WTIP: variants seen among roughly 807,000 people sequenced by gnomAD.
The protein encoded by WTIP is WT1 interacting protein.
In WTIP, 23 loss-of-function variants were observed where a neutral mutation model predicts 41.7. That is an observed-to-expected ratio of 0.55 (90% CI 0.40 to 0.78). WTIP has a LOEUF of 0.78. Ranked by LOEUF, WTIP falls within the 30% of genes least tolerant of loss-of-function variation. The pLI is 0.00. For missense variants in WTIP, 619 were observed against 610.5 expected (o/e 1.01, Z -0.15); for synonymous variants, 314 against 269.9 (o/e 1.16, Z -1.60).
At position 34,500,377 on chromosome 19, in the gene WTIP, C is replaced by G. The variant is rs1161838310; in HGVS notation, c.*108C>G. The G allele has an allele frequency of 1.5e-6, 2 of 1,373,764 alleles. No homozygotes were observed. Among genetic ancestry groups the G allele is most frequent in the Non-Finnish European group, 1.9e-6 (2 of 1,045,576 alleles). The allele number at this position is 1,373,764 out of a possible 1,614,324, so 85.1% of individuals were successfully genotyped here. ...GGAGCTCCCTCCAATCAGTTTCCCA[C>G]CGAGCTGCTGTCTGCAGGGGCCGGA... is the stretch of plus-strand genomic sequence containing the variant. On this transcript the variant is annotated 3_prime_UTR_variant, in exon 8 of 8. Coordinates refer to ENST00000590071, the MANE Select transcript of WTIP (RefSeq NM_001080436.2).
chr19:34,489,196 C>T (rs1443683508), intron 1 of WTIP, among the ~76,000 whole-genome samples: 65 of 4,620 alleles, frequency 0.014, 1 homozygote, highest in Non-Finnish European at 0.033. Flanking sequence ...GAGACTCTAT[C>T]TAAAAAAAAA....
In WTIP at chr19:34,493,570, C is replaced by T. The variant is rs1445107371; in HGVS notation, c.979C>T (p.Pro327Ser). The T allele has an allele frequency of 6.2e-7, 1 of 1,613,698 alleles. No individual in the cohort carries two copies. The highest frequency in any genetic ancestry group is 1.3e-5 in the African/African-American group (1 of 75,060). The change falls in exon 5 of 8, where the codon CCC becomes TCC. Residue 327 changes from proline to serine, a missense_variant. Coordinates refer to ENST00000590071, the MANE Select transcript of WTIP (RefSeq NM_001080436.2). The surrounding 1 kb of genome is among the most constrained non-coding windows in gnomAD (Gnocchi z 4.1). ...SVCNECLDGV[P>S]FTVDVENNIY... Reference sequence around the variant, plus strand: ...GTGCAATGAGTGCCTGGACGGGGTTCCCTTCACCGTGGACGTGGAGAACAA... The same window carrying T: ...GTGCAATGAGTGCCTGGACGGGGTTTCCTTCACCGTGGACGTGGAGAACAA...
chr19:34,501,959 CTTTT>C lies in WTIP; in HGVS notation c.*1700_*1703del, dbSNP rs562675000. 13 of 115,678 alleles carry C rather than the reference CTTTT, an allele frequency of 1.1e-4. No individual in the cohort carries two copies. The South Asian group carries it at 2.5e-3, about 22-fold the overall frequency. 7.2% of individuals were successfully genotyped at this position (115,678 alleles called of 1,614,324 possible). On this transcript the variant is annotated 3_prime_UTR_variant, in exon 8 of 8. Coordinates refer to ENST00000590071, the MANE Select transcript of WTIP (RefSeq NM_001080436.2). ...GCTGAGCTGCTTTTTCTTTTCTTTTCTTTTTTTTTTTTTGAGACGGAGTGTCATT... is the reference window on the plus strand; with the variant it reads ...GCTGAGCTGCTTTTTCTTTTCTTTTCTTTTTTTTTGAGACGGAGTGTCATT...
chr19:34,482,660 G>A lies in WTIP; in HGVS notation c.667+19G>A. 1.6e-6 allele frequency: 2 copies of A among 1,226,394 alleles called. No homozygotes were observed. Among genetic ancestry groups the A allele is most frequent in the Non-Finnish European group, 2.0e-6 (2 of 984,586 alleles). The allele number at this position is 1,226,394 out of a possible 1,614,324, so 76.0% of individuals were successfully genotyped here. A position where few individuals can be genotyped will look rare whatever the true frequency, so the allele number is the denominator to read the frequency against. On this transcript the variant is annotated intron_variant, in intron 1 of 7. Transcript: ENST00000590071. ...TACTTCGGTGAGCTCGCTCGGCCCG[G>A]CAGTTCCCTGCGCGCATGGCTGGGG...
chr19:34,497,648 C>T (rs1049649797), intron 7 of WTIP, among the ~76,000 whole-genome samples: 2 of 152,158 alleles, frequency 1.3e-5, no homozygotes, highest in African/African-American at 4.8e-5. Context: ...GCGACCGCGC[C>T]CCAGCAAGAG....
chr19:34,481,847 C>A lies in WTIP; in HGVS notation c.-128C>A. ...GAACGACCCCGGCCCGGCGCCGGCC[C>A]CGCCCCGCCCCGCGCCCAGGGGTCC... On this transcript the variant is annotated 5_prime_UTR_variant, in exon 1 of 8. Transcript: ENST00000590071. The A allele has an allele frequency of 2.3e-6, 1 of 425,758 alleles. No homozygotes were observed. The highest frequency in any genetic ancestry group is 3.1e-6 in the Non-Finnish European group (1 of 320,600). The allele number at this position is 425,758 out of a possible 1,614,324, so 26.4% of individuals were successfully genotyped here.
Position 34,493,575 on chromosome 19 carries a change from C to T in WTIP, c.984C>T (p.Phe328=), listed in dbSNP as rs768788349. The change falls in exon 5 of 8, where the codon TTC becomes TTT. Residue 328 remains phenylalanine, a synonymous_variant. Transcript: ENST00000590071. The surrounding 1 kb of genome is among the most constrained non-coding windows in gnomAD (Gnocchi z 4.1). Reference sequence around the variant, plus strand: ...ATGAGTGCCTGGACGGGGTTCCCTTCACCGTGGACGTGGAGAACAACATCT... The same window carrying T: ...ATGAGTGCCTGGACGGGGTTCCCTTTACCGTGGACGTGGAGAACAACATCT... ...VCNECLDGVP[F]TVDVENNIYC... is the part of the protein sequence containing the mutation. 6.2e-7 allele frequency: 1 copy of T among 1,613,722 alleles called. No individual in the cohort carries two copies. Among genetic ancestry groups the T allele is most frequent in the South Asian group, 1.1e-5 (1 of 91,088 alleles).
rs767754825 is a variant in WTIP at position 34,500,123 on chromosome 19, C to T, written c.1153-6C>T. 2.5e-6 allele frequency: 4 copies of T among 1,598,896 alleles called. No individual in the cohort carries two copies. Among genetic ancestry groups the T allele is most frequent in the African/African-American group, 1.3e-5 (1 of 74,866 alleles). On this transcript the variant is annotated splice_polypyrimidine_tract_variant and splice_region_variant and intron_variant, in intron 7 of 7. Coordinates refer to ENST00000590071, the MANE Select transcript of WTIP (RefSeq NM_001080436.2). The stretch of plus-strand genomic sequence containing the variant: ...CTCTGGGGCTGGGGGCTGTGTTCTT[C>T]CCTAGGACTGCGGGCTGCAGCTGAG...
intron 1 of WTIP, among the ~76,000 whole-genome samples, chr19:34,486,839 C>T (rs937452030): frequency 1.1e-4 from 17 of 152,132 alleles, no homozygotes; most frequent in Non-Finnish European, 1.8e-4. Context: ...ACTCTCCTGC[C>T]GTCTGAGAGG....
chr19:34,495,639 A>G, intron 6 of WTIP, 64 bp from the exon 7 acceptor site: 1 of 1,569,752 alleles, frequency 6.4e-7, no homozygotes, highest in African/African-American at 1.3e-5. Context: ...GGGAGTGTAC[A>G]CTCACGCAGT....
In WTIP at chr19:34,493,030, C is replaced by T. The variant is rs781326562; in HGVS notation, c.770-7C>T. On this transcript the variant is annotated splice_polypyrimidine_tract_variant and splice_region_variant and intron_variant, in intron 2 of 7. Transcript: ENST00000590071. This position sits in a 1 kb window ranked among gnomAD's most constrained non-coding sequence, Gnocchi z 4.1. Reference sequence around the variant, plus strand: ...CCAGGGACCCCTCTCAACCCTCACCCTTGCAGGGAGACGACTCCGTGGGAA... The same window carrying T: ...CCAGGGACCCCTCTCAACCCTCACCTTTGCAGGGAGACGACTCCGTGGGAA... 28 of 1,613,932 alleles carry T rather than the reference C, an allele frequency of 1.7e-5. No individual in the cohort carries two copies. The highest frequency in any genetic ancestry group is 2.4e-5 in the Non-Finnish European group (28 of 1,179,870).
rs535941216 is a variant in WTIP, at chr19:34,493,957, C to T, written c.1031+335C>T. ...CAGGCCAGGCCTCTTTCAGCTGGGG[C>T]AGGGGCTTGGGATCTCTGCAGCCCC... On this transcript the variant is annotated intron_variant, in intron 5 of 7. Coordinates refer to ENST00000590071, the MANE Select transcript of WTIP (RefSeq NM_001080436.2). This position sits in a 1 kb window ranked among gnomAD's most constrained non-coding sequence, Gnocchi z 4.1. Among the ~76,000 whole-genome samples the T allele has an allele frequency of 2.4e-4, 36 of 152,304 alleles. No individual in the cohort carries two copies. Among genetic ancestry groups the T allele is most frequent in the African/African-American group, 7.9e-4 (33 of 41,576 alleles).
Position 34,481,903 on chromosome 19 carries a change from TGCGGCGGCCCGGCCGGA to T in WTIP, c.-63_-47del, listed in dbSNP as rs2075768189. On this transcript the variant is annotated 5_prime_UTR_variant, in exon 1 of 8. The change abolishes the stop of an existing upstream ORF in the 5' untranslated region. Coordinates refer to ENST00000590071, the MANE Select transcript of WTIP (RefSeq NM_001080436.2). ...CGGGCTCCGGGCTTCGGGCGGACGA[TGCGGCGGCCCGGCCGGA>T]GCGGCGGCGGGAAGCGGAGGCGGAG... 5 of 916,554 alleles carry T rather than the reference TGCGGCGGCCCGGCCGGA, an allele frequency of 5.5e-6. No homozygotes were observed. The highest frequency in any genetic ancestry group is 4.9e-5 in the South Asian group (1 of 20,552). The allele number at this position is 916,554 out of a possible 1,614,324, so 56.8% of individuals were successfully genotyped here. A position where few individuals can be genotyped will look rare whatever the true frequency, so the allele number is the denominator to read the frequency against.
rs1380405882 is a variant in WTIP, at chr19:34,511,540, A to C, written c.*11271A>C. 1 of 152,202 alleles carries C rather than the reference A, an allele frequency of 6.6e-6. No individual in the cohort carries two copies. Among genetic ancestry groups the C allele is most frequent in the African/African-American group, 2.4e-5 (1 of 41,440 alleles). The allele number at this position is 152,202 out of a possible 1,614,324, so 9.4% of individuals were successfully genotyped here. On this transcript the variant is annotated 3_prime_UTR_variant, in exon 8 of 8. Coordinates refer to ENST00000590071, the MANE Select transcript of WTIP (RefSeq NM_001080436.2). ...GGCTTTCATTATTTACCAAGGATCAAGACCTGAACATGAAAATGGCAGGCC... is the reference window on the plus strand; with the variant it reads ...GGCTTTCATTATTTACCAAGGATCACGACCTGAACATGAAAATGGCAGGCC...
rs1308745121 is a variant in WTIP at position 34,495,776 on chromosome 19, G to A, written c.1152+5G>A. 1.2e-6 allele frequency: 2 copies of A among 1,613,552 alleles called. No individual in the cohort carries two copies. Among genetic ancestry groups the A allele is most frequent in the East Asian group, 4.5e-5 (2 of 44,876 alleles). On this transcript the variant is annotated splice_donor_5th_base_variant and intron_variant, in intron 7 of 7. Coordinates refer to ENST00000590071, the MANE Select transcript of WTIP (RefSeq NM_001080436.2). ...GTGGCATGTTACCACTGTGAGGTGA[G>A]CCTGGGCCCACAGGAGGCTGGCAGC...
intron 6 of WTIP, among the ~76,000 whole-genome samples, chr19:34,495,066 A>G (rs1156394341): frequency 6.6e-6 from 1 of 152,154 alleles, no homozygotes; most frequent in African/African-American, 2.4e-5. Context: ...TGTGCCTGGC[A>G]AAGCAGAACT....
chr19:34,497,464 C>A (rs2075861051), intron 7 of WTIP, among the ~76,000 whole-genome samples: 2 of 152,276 alleles, frequency 1.3e-5, no homozygotes, highest in African/African-American at 4.8e-5. Flanking sequence ...CCATGATGGA[C>A]ACAGGGACGG....
At chr19:34,494,751 T>TCC in intron 6 of WTIP, 114 bp downstream of exon 6, 3 of 1,031,394 alleles carry the variant, frequency 2.9e-6, no homozygotes, top group Non-Finnish European at 4.3e-6. Flanking sequence ...AGCAGGTGCT[T>TCC]CTCCGCAGAT....
At position 34,502,442 on chromosome 19, in the gene WTIP, A is replaced by T. The variant is rs1335971617; in HGVS notation, c.*2173A>T. ...AGCTATTTTTTTTTTTTTTTTTTTT[A>T]AAGACAGAGTCTAGCTCTGTCGCCC... On this transcript the variant is annotated 3_prime_UTR_variant, in exon 8 of 8. Transcript: ENST00000590071. The T allele has an allele frequency of 1.4e-3, 162 of 117,546 alleles. No homozygotes were observed. The highest frequency in any genetic ancestry group is 4.8e-3 in the African/African-American group (145 of 30,174). 7.3% of individuals were successfully genotyped at this position (117,546 alleles called of 1,614,324 possible).
Sources: gnomAD v4.1 joint callset for allele counts (sites outside exome capture counted in the v4.1 genomes callset) on GRCh38, gnomAD v4.1.1 for gene constraint, Gnocchi (gnomAD v3.1) non-coding constraint, MANE v1.5 for transcripts, NCBI Gene and HGNC (gene_info 2026-07-23, HGNC 2026-07-21) for gene names.